Variants in CKMT2 observed in about 807,000 individuals in gnomAD.
CKMT2 encodes creatine kinase, mitochondrial 2, also known as creatine kinase S-type, mitochondrial.
Under a neutral mutation model 48.9 loss-of-function variants are expected in CKMT2, and 43 were observed. The ratio of observed to expected loss-of-function variants is 0.88; its 90% confidence interval spans 0.69 to 1.13. The LOEUF (loss-of-function observed/expected upper bound fraction) is 1.13. CKMT2 is among the 50% of genes most tolerant of loss of function. CKMT2 has a pLI of 0.00. For missense variants in CKMT2, 472 were observed against 555.4 expected, an observed-to-expected ratio of 0.85 and a Z score of 1.51; for synonymous variants, 206 against 213.0, an observed-to-expected ratio of 0.97 and a Z score of 0.29.
chr5:81,254,973 C>A lies in CKMT2; in HGVS notation c.448-20C>A. 6.2e-7 allele frequency: 1 copy of A among 1,607,072 alleles called. No homozygotes were observed. Among genetic ancestry groups the A allele is most frequent in the Non-Finnish European group, 8.5e-7 (1 of 1,174,236 alleles). The stretch of plus-strand genomic sequence containing the variant: ...CATGGTCCGAGGCTGGCCACAGTGA[C>A]CCCACAGTCTGCTTGGCAGATCACC... On this transcript the variant is annotated intron_variant, in intron 4 of 9. Coordinates refer to ENST00000254035, the MANE Select transcript of CKMT2 (RefSeq NM_001099735.2).
At chr5:81,234,969 G>T (rs181224316) in intron 1 of CKMT2, among the ~76,000 whole-genome samples, 1 of 152,296 alleles carries the variant, frequency 6.6e-6, no homozygotes, top group East Asian at 1.9e-4. Context: ...CATGCTGAAG[G>T]TGACTGCTGG....
At chr5:81,242,380 C>A in intron 1 of CKMT2, 1 of 479,726 alleles carries the variant, frequency 2.1e-6, no homozygotes, top group South Asian at 1.7e-5. Flanking sequence ...GGCTGAGACT[C>A]CTTGCCATAG....
chr5:81,253,375 C>A (rs1756887975), intron 3 of CKMT2, among the ~76,000 whole-genome samples: 1 of 152,230 alleles, frequency 6.6e-6, no homozygotes, highest in Admixed American at 6.5e-5. Flanking sequence ...TCACTGTAGC[C>A]CAGACTACTG....
intron 8 of CKMT2, among the ~76,000 whole-genome samples, chr5:81,260,463 A>AAAT (rs1254831187): frequency 6.6e-6 from 1 of 152,182 alleles, no homozygotes; most frequent in African/African-American, 2.4e-5. Flanking sequence ...AAGATTAACA[A>AAAT]AATAGACCAC....
chr5:81,248,281 AG>A (rs1406875672), intron 1 of CKMT2, among the ~76,000 whole-genome samples: 1 of 152,224 alleles, frequency 6.6e-6, no homozygotes, highest in Non-Finnish European at 1.5e-5. Context: ...ACTTCCTGTT[AG>A]CTTAGGAAGA....
chr5:81,265,007 A>G (rs1310541609), intron 9 of CKMT2, among the ~76,000 whole-genome samples: 2 of 152,196 alleles, frequency 1.3e-5, no homozygotes, highest in Non-Finnish European at 2.9e-5. Flanking sequence ...CAGTAAAGAT[A>G]ATCCATTACC....
At chr5:81,259,506 G>A (rs527469678) in intron 8 of CKMT2, 24 of 328,766 alleles carry the variant, frequency 7.3e-5, no homozygotes, top group South Asian at 1.1e-4. Context: ...AACAAATCAG[G>A]ATAGGTAGGC....
chr5:81,257,029 A>G (rs1369778107), intron 6 of CKMT2, 29 bp downstream of exon 6: 20 of 1,576,348 alleles, frequency 1.3e-5, no homozygotes, highest in Admixed American at 6.8e-5. Flanking sequence ...CACATTTGCA[A>G]TATCTGTAGA....
intron 2 of CKMT2, chr5:81,252,415 C>G (rs780475577): frequency 4.8e-5 from 22 of 462,280 alleles, no homozygotes; most frequent in Non-Finnish European, 7.6e-5. Context: ...GGTAAGACAG[C>G]ACCCAATTTG....
intron 1 of CKMT2, among the ~76,000 whole-genome samples, chr5:81,235,182 A>G (rs13184427): frequency 0.069 from 10,524 of 152,270 alleles, 443 homozygotes; most frequent in Admixed American, 0.099. Flanking sequence ...TCTGTTTTAC[A>G]GAGTAGGATT....
chr5:81,242,932 C>A (rs1418242241), intron 1 of CKMT2, among the ~76,000 whole-genome samples: 1 of 152,218 alleles, frequency 6.6e-6, no homozygotes, highest in Non-Finnish European at 1.5e-5. Flanking sequence ...TTAGTTTCTA[C>A]AGGGAATCAA....
At chr5:81,254,929 A>G (rs1396993602) in intron 4 of CKMT2, 64 bp from the exon 5 acceptor site, 4 of 1,364,542 alleles carry the variant, frequency 2.9e-6, no homozygotes, top group Non-Finnish European at 4.2e-6. Flanking sequence ...ATTAGAACCC[A>G]CTGTGGCTGT....
At chr5:81,238,468 C>T (rs532526139) in intron 1 of CKMT2, 5 of 152,222 alleles carry the variant, frequency 3.3e-5, no homozygotes, top group South Asian at 2.1e-4. Context: ...TACATCGTCA[C>T]GAACTGCTAA....
chr5:81,242,340 C>T, intron 1 of CKMT2: 1 of 400,690 alleles, frequency 2.5e-6, no homozygotes, highest in Non-Finnish European at 4.8e-6. Flanking sequence ...TCATTTCTTG[C>T]ATTTGAAGTA....
chr5:81,257,048 T>C (rs1757035387), intron 6 of CKMT2, 48 bp downstream of exon 6: 1 of 1,499,222 alleles, frequency 6.7e-7, no homozygotes, highest in African/African-American at 1.4e-5. Context: ...GAGGATGTTT[T>C]TGAGATCACC....
At chr5:81,259,054 A>C in intron 7 of CKMT2, 66 bp from the exon 8 acceptor site, 1 of 1,495,756 alleles carries the variant, frequency 6.7e-7, no homozygotes, top group Non-Finnish European at 9.1e-7. Context: ...CTCTGGTGTT[A>C]GGGATGTGCT....
chr5:81,256,957 T>C lies in CKMT2; in HGVS notation c.712T>C (p.Cys238Arg), dbSNP rs1465977064. Residue 238 changes from cysteine to arginine, a missense_variant, in exon 6 of 10, where the codon TGT becomes CGT. Transcript: ENST00000254035. The stretch of plus-strand genomic sequence containing the variant: ...TAAGCCAGTGTCCCCTTTATTAACA[T>C]GTGCTGGGATGGCCCGTGACTGGCC... ...FDKPVSPLLT[C>R]AGMARDWPDA... 1.4e-5 allele frequency: 22 copies of C among 1,614,038 alleles called. No individual in the cohort carries two copies. Among genetic ancestry groups the C allele is most frequent in the Non-Finnish European group, 1.9e-5 (22 of 1,180,004 alleles).
chr5:81,239,253 C>T (rs549885212), intron 1 of CKMT2: 1 of 152,236 alleles, frequency 6.6e-6, no homozygotes, highest in African/African-American at 2.4e-5. Context: ...TAGCTTAATT[C>T]AACTCTCCAA....
chr5:81,234,021 T>TAA (rs536455571), intron 1 of CKMT2, among the ~76,000 whole-genome samples: 1,386 of 91,854 alleles, frequency 0.015, 20 homozygotes, highest in East Asian at 0.1. Context: ...GGAGGTTAAT[T>TAA]AAAAAAAAAA....
Sources: gnomAD v4.1 joint callset for allele counts (sites outside exome capture counted in the v4.1 genomes callset) on GRCh38, gnomAD v4.1.1 for gene constraint, MANE v1.5 for transcripts, NCBI Gene and HGNC (gene_info 2026-07-23, HGNC 2026-07-21) for gene names.